The following CSTPP1 variants were observed in gnomAD, a reference collection of about 807,000 sequenced individuals.
CSTPP1 encodes UPF0705 protein C11orf49.
chr11:47,085,991 T>C, the CSTPP1 span, among the ~76,000 whole-genome samples: 1 of 151,830 alleles, frequency 6.6e-6, no homozygotes, highest in East Asian at 1.9e-4. Context: ...CGGGGATGGA[T>C]AGAAATTTCA....
At chr11:47,069,683 G>A in the CSTPP1 span, among the ~76,000 whole-genome samples, 1 of 151,882 alleles carries the variant, frequency 6.6e-6, no homozygotes, top group East Asian at 1.9e-4. Flanking sequence ...GAGTTTTATT[G>A]TTGTTGTTGT....
chr11:47,023,706 A>C, the CSTPP1 span, among the ~76,000 whole-genome samples: 1 of 152,140 alleles, frequency 6.6e-6, no homozygotes, highest in Non-Finnish European at 1.5e-5. Flanking sequence ...AACTCATACA[A>C]TATTTGTCTT....
At chr11:47,161,152 G>C in the CSTPP1 span, 1 of 1,614,206 alleles carries the variant, frequency 6.2e-7, no homozygotes, top group East Asian at 2.2e-5. Context: ...AGGGGGATCT[G>C]ATGCACGACC....
At chr11:47,056,798 G>T in the CSTPP1 span, among the ~76,000 whole-genome samples, 1 of 152,136 alleles carries the variant, frequency 6.6e-6, no homozygotes, top group Non-Finnish European at 1.5e-5. Context: ...TAAAGGAAAG[G>T]ATTTATTAAG....
At chr11:46,976,401 A>G in the CSTPP1 span, among the ~76,000 whole-genome samples, 1 of 150,624 alleles carries the variant, frequency 6.6e-6, no homozygotes, top group African/African-American at 2.4e-5. Flanking sequence ...AGTCACACAC[A>G]CACACACACA....
chr11:47,143,907 C>G, the CSTPP1 span, among the ~76,000 whole-genome samples: 2 of 152,174 alleles, frequency 1.3e-5, no homozygotes, highest in Non-Finnish European at 2.9e-5. Flanking sequence ...AAAATGGTGG[C>G]TGGCACAGAG....
the CSTPP1 span, among the ~76,000 whole-genome samples, chr11:47,141,194 A>G: frequency 6.6e-6 from 1 of 152,154 alleles, no homozygotes; most frequent in African/African-American, 2.4e-5. Context: ...ACCACAGTCC[A>G]TTGTAGAATG....
the CSTPP1 span, among the ~76,000 whole-genome samples, chr11:47,070,910 T>C: frequency 6.6e-6 from 1 of 152,168 alleles, no homozygotes; most frequent in African/African-American, 2.4e-5. Flanking sequence ...GACTATACTC[T>C]GGCCACACAG....
the CSTPP1 span, chr11:47,162,269 G>A: frequency 1.0e-6 from 1 of 985,326 alleles, no homozygotes; most frequent in Non-Finnish European, 1.2e-6. Flanking sequence ...AAAGCTCCTA[G>A]GCTGAGGGGA....
chr11:47,157,272 T>C, the CSTPP1 span: 2 of 1,508,870 alleles, frequency 1.3e-6, no homozygotes, highest in South Asian at 2.7e-5. Context: ...GTCGGACTGC[T>C]GGCTGCGGAA....
the CSTPP1 span, among the ~76,000 whole-genome samples, chr11:47,094,053 G>C: frequency 2.0e-5 from 3 of 152,116 alleles, no homozygotes; most frequent in South Asian, 6.2e-4. Flanking sequence ...ACAGAATTAG[G>C]TCCAGCCGGT....
At chr11:47,035,555 T>C in the CSTPP1 span, among the ~76,000 whole-genome samples, 2 of 152,342 alleles carry the variant, frequency 1.3e-5, no homozygotes, top group Admixed American at 1.3e-4. Context: ...ATTATAGTAG[T>C]ACAGTATGAG....
the CSTPP1 span, among the ~76,000 whole-genome samples, chr11:47,083,535 C>T: frequency 1.3e-5 from 2 of 152,166 alleles, no homozygotes; most frequent in African/African-American, 4.8e-5. Context: ...TTCCAAAATG[C>T]CTGCACTCTG....
At chr11:47,107,637 G>A in the CSTPP1 span, among the ~76,000 whole-genome samples, 1 of 152,074 alleles carries the variant, frequency 6.6e-6, no homozygotes, top group South Asian at 2.1e-4. Flanking sequence ...TTGTCCAGGA[G>A]AGAAGGAGAC....
chr11:47,098,201 C>G, the CSTPP1 span, among the ~76,000 whole-genome samples: 2 of 133,272 alleles, frequency 1.5e-5, no homozygotes, highest in African/African-American at 5.6e-5. Flanking sequence ...CCTAGGAAAA[C>G]CAGAGACCTT....
At chr11:46,963,185 T>C in the CSTPP1 span, among the ~76,000 whole-genome samples, 2 of 152,188 alleles carry the variant, frequency 1.3e-5, no homozygotes, top group South Asian at 2.1e-4. Context: ...TGGACATCTT[T>C]GTGTTGTTAC....
chr11:47,139,779 T>C, the CSTPP1 span, among the ~76,000 whole-genome samples: 1 of 151,884 alleles, frequency 6.6e-6, no homozygotes, highest in African/African-American at 2.4e-5. Flanking sequence ...CGGGTGACAA[T>C]GTTGTGCGAA....
the CSTPP1 span, among the ~76,000 whole-genome samples, chr11:47,003,775 T>C: frequency 6.6e-6 from 1 of 152,206 alleles, no homozygotes; most frequent in African/African-American, 2.4e-5. Context: ...TGAGAGATGT[T>C]TGGGAAAAGC....
the CSTPP1 span, among the ~76,000 whole-genome samples, chr11:47,158,624 C>T: frequency 6.6e-6 from 1 of 152,186 alleles, no homozygotes; most frequent in African/African-American, 2.4e-5. Context: ...CAGCCTCGAC[C>T]TCCCGGGCTC....
Sources: allele counts gnomAD v4.1 joint callset (sites outside exome capture counted in the v4.1 genomes callset), GRCh38; gene constraint gnomAD v4.1.1; transcripts MANE v1.5; gene names NCBI Gene and HGNC (gene_info 2026-07-23, HGNC 2026-07-21).